SEMA3A: variants seen among roughly 807,000 people sequenced by gnomAD.
SEMA3A encodes the protein semaphorin-3A.
In SEMA3A, 29 loss-of-function variants were observed where a neutral mutation model predicts 97.9. The observed-to-expected ratio is 0.30, with a 90% CI of 0.22 to 0.40. SEMA3A has a LOEUF of 0.40. Ranked by LOEUF, SEMA3A falls within the 10% of genes least tolerant of loss-of-function variation. The probability of loss-of-function intolerance (pLI) is 1.00; values close to 1 mark genes in which losing one functional copy is unlikely to be tolerated. For synonymous variants in SEMA3A, 321 were observed against 323.7 expected, an observed-to-expected ratio of 0.99 and a Z score of 0.09; for missense variants, 763 against 951.3, an observed-to-expected ratio of 0.80 and a Z score of 2.60.
At chr7:84,463,590 A>C (rs2116393685) in intron 1 of SEMA3A, among the ~76,000 whole-genome samples, 1 of 151,550 alleles carries the variant, frequency 6.6e-6, no homozygotes, top group South Asian at 2.1e-4. Flanking sequence ...GGCTCCATTG[A>C]CCCTTATTCC....
At chr7:84,094,430 T>C (rs929289121) in intron 4 of SEMA3A, among the ~76,000 whole-genome samples, 4 of 152,108 alleles carry the variant, frequency 2.6e-5, no homozygotes, top group African/African-American at 9.7e-5. Flanking sequence ...TTTTATGTTA[T>C]TATTTTAAAG....
chr7:83,976,020 G>A (rs1314503385), intron 15 of SEMA3A, among the ~76,000 whole-genome samples: 1 of 152,088 alleles, frequency 6.6e-6, no homozygotes, highest in Admixed American at 6.6e-5. Flanking sequence ...AGTCCCTGGT[G>A]AGAAAATTTG....
intron 1 of SEMA3A, among the ~76,000 whole-genome samples, chr7:84,461,270 T>C (rs767022682): frequency 2.0e-5 from 3 of 152,164 alleles, no homozygotes; most frequent in Non-Finnish European, 4.4e-5. Context: ...ACATCCTTAA[T>C]TCAAACAGAG....
At chr7:84,100,131 T>C (rs145463927) in intron 4 of SEMA3A, among the ~76,000 whole-genome samples, 3 of 152,282 alleles carry the variant, frequency 2.0e-5, no homozygotes, top group Admixed American at 6.5e-5. Context: ...AATCTATCAA[T>C]ATCTCATCCA....
intron 12 of SEMA3A, among the ~76,000 whole-genome samples, chr7:84,000,743 A>T (rs1790406896): frequency 6.6e-6 from 1 of 152,144 alleles, no homozygotes; most frequent in African/African-American, 2.4e-5. Context: ...GCTACAATTC[A>T]CCAGTTGTAT....
At chr7:84,255,492 T>A (rs1356133771) in intron 3 of SEMA3A, among the ~76,000 whole-genome samples, 1 of 152,128 alleles carries the variant, frequency 6.6e-6, no homozygotes. Flanking sequence ...GGAACACATC[T>A]GTTACCCACA....
chr7:83,990,339 A>G (rs1370100406), intron 12 of SEMA3A, among the ~76,000 whole-genome samples: 25 of 151,896 alleles, frequency 1.6e-4, no homozygotes, highest in Middle Eastern at 3.4e-3. Flanking sequence ...CCCATTTGTC[A>G]ATTTTGGCTT....
chr7:84,055,547 C>T (rs575821078), intron 5 of SEMA3A, among the ~76,000 whole-genome samples: 2 of 152,140 alleles, frequency 1.3e-5, no homozygotes, highest in East Asian at 3.9e-4. Context: ...GAGGCTATGC[C>T]TCGCCCTGCT....
rs559047317 is a variant in SEMA3A at position 84,067,407 on chromosome 7, C to G, written c.454-6849G>C. Among the ~76,000 whole-genome samples, 374 of 152,078 alleles carry G rather than the reference C, an allele frequency of 2.5e-3. 2 individuals carry two copies. The highest frequency in any genetic ancestry group is 8.5e-3 in the African/African-American group (353 of 41,448). On this transcript the variant is annotated intron_variant, in intron 4 of 16. Coordinates refer to ENST00000265362, the MANE Select transcript of SEMA3A (RefSeq NM_006080.3). ...ACACCAAAAGCCATGGCAACAAAAG[C>G]CAAAATTGACAAATGGGATCTAATT...
intron 2 of SEMA3A, among the ~76,000 whole-genome samples, chr7:84,359,215 C>A (rs1802649531): frequency 6.6e-6 from 1 of 152,086 alleles, no homozygotes; most frequent in African/African-American, 2.4e-5. Flanking sequence ...CTGTCTTGTG[C>A]CAGTTTTCCA....
At chr7:84,246,120 C>T (rs1317799178) in intron 3 of SEMA3A, among the ~76,000 whole-genome samples, 2 of 152,194 alleles carry the variant, frequency 1.3e-5, no homozygotes, top group Admixed American at 6.5e-5. Flanking sequence ...GTGGGCTCCG[C>T]CCAGTCTGAA....
At chr7:84,041,087 C>G (rs1432131182) in intron 6 of SEMA3A, among the ~76,000 whole-genome samples, 5 of 151,906 alleles carry the variant, frequency 3.3e-5, no homozygotes, top group Non-Finnish European at 7.4e-5. Flanking sequence ...ATTCAGGTCA[C>G]TTTTCTTAGA....
chr7:84,190,102 A>G (rs1412735187), intron 1 of SEMA3A, among the ~76,000 whole-genome samples: 1 of 151,720 alleles, frequency 6.6e-6, no homozygotes, highest in Non-Finnish European at 1.5e-5. Context: ...AGAGGCTTAC[A>G]TGAATTTGTT....
chr7:84,014,222 C>A lies in SEMA3A; in HGVS notation c.797G>T (p.Gly266Val). Residue 266 changes from glycine to valine, a missense_variant, in exon 7 of 17, where the codon GGT becomes GTT. Physicochemically the swap from Gly to Val is moderately radical, Grantham distance 109. Transcript: ENST00000265362. The part of the protein sequence containing the change: ...HSGKATHARI[G>V]QICKNDFGGH... ...TCTTTACCTCACCTTGCATATCTGA[C>A]CTATTCTAGCGTGAGTAGCTTTTCC... The A allele has an allele frequency of 6.2e-7, 1 of 1,610,512 alleles. No individual in the cohort carries two copies.
At chr7:84,433,926 T>G (rs941734948) in intron 1 of SEMA3A, among the ~76,000 whole-genome samples, 2 of 151,828 alleles carry the variant, frequency 1.3e-5, no homozygotes, top group African/African-American at 4.8e-5. Context: ...TGGGTTTGTG[T>G]TTTTTTTGTA....
At chr7:84,240,284 C>A (rs958698294) in intron 3 of SEMA3A, among the ~76,000 whole-genome samples, 2 of 152,038 alleles carry the variant, frequency 1.3e-5, no homozygotes, top group African/African-American at 2.4e-5. Flanking sequence ...ATCTTTAATG[C>A]CTGGAAACTG....
At chr7:84,111,929 G>T (rs1000582050) in intron 3 of SEMA3A, among the ~76,000 whole-genome samples, 27 of 152,214 alleles carry the variant, frequency 1.8e-4, no homozygotes, top group African/African-American at 6.3e-4. Context: ...CTATGAAACA[G>T]ATATAACTTA....
intron 2 of SEMA3A, among the ~76,000 whole-genome samples, chr7:84,342,431 C>T (rs147337423): frequency 6.6e-6 from 1 of 152,156 alleles, no homozygotes; most frequent in Admixed American, 6.5e-5. Flanking sequence ...ACACAAGAAA[C>T]TCTATGTTCA....
In SEMA3A at chr7:84,455,494, T is replaced by C. The variant is rs146157465; in HGVS notation, c.-246+36966A>G. The stretch of plus-strand genomic sequence containing the variant: ...AAAATATTTTATAACCTCTTTACAA[T>C]AGCTTAGAAGGTATGTGATAGTAAC... On this transcript the variant is annotated intron_variant, in intron 1 of 3. Transcript: ENST00000424555. 1.7e-3 allele frequency among the ~76,000 whole-genome samples: 264 copies of C among 152,078 alleles called. 2 individuals carry two copies. Among genetic ancestry groups the C allele is most frequent in the African/African-American group, 6.0e-3 (248 of 41,558 alleles).
Sources: allele counts gnomAD v4.1 joint callset (sites outside exome capture counted in the v4.1 genomes callset), GRCh38; gene constraint gnomAD v4.1.1; transcripts MANE v1.5; gene names NCBI Gene and HGNC (gene_info 2026-07-23, HGNC 2026-07-21).